Variants in ZNF487 observed in about 807,000 individuals in gnomAD.
The protein encoded by ZNF487 is KRAB domain only 1.
ZNF487 carries 4 observed loss-of-function variants against 3.0 expected under a neutral mutation model. That is an observed-to-expected ratio of 1.35 (90% CI 0.66 to 3.08). ZNF487 has a LOEUF of 3.08. ZNF487 is among the 30% of genes most tolerant of loss of function. The pLI, the probability that ZNF487 is intolerant of heterozygous loss-of-function variation, is 0.01. For missense variants in ZNF487, 146 were observed against 98.7 expected, an observed-to-expected ratio of 1.48 and a Z score of -2.03; for synonymous variants, 55 against 34.6, an observed-to-expected ratio of 1.59 and a Z score of -2.06.
At chr10:43,447,798 C>T (rs1327929805) in intron 1 of ZNF487, among the ~76,000 whole-genome samples, 2 of 152,064 alleles carry the variant, frequency 1.3e-5, no homozygotes, top group African/African-American at 4.8e-5. Context: ...CTGTGTCTCC[C>T]CAGACTATCA....
In ZNF487 at chr10:43,481,877, A is replaced by G. The variant is rs1333472336; in HGVS notation, c.579A>G (p.Ala193=). The G allele has an allele frequency of 2.9e-6, 2 of 701,076 alleles. No individual in the cohort carries two copies. Among genetic ancestry groups the G allele is most frequent in the Non-Finnish European group, 5.2e-6 (2 of 384,404 alleles). 43.4% of individuals were successfully genotyped at this position (701,076 alleles called of 1,614,324 possible). A position where few individuals can be genotyped will look rare whatever the true frequency, so the allele number is the denominator to read the frequency against. The change falls in exon 4 of 4, where the codon GCA becomes GCG. Residue 193 remains alanine, a synonymous_variant. Coordinates refer to ENST00000437590, the MANE Select transcript of ZNF487 (RefSeq NM_001355444.3). ...NQCGKAFHEE[A]ACSTHKRVCS... ...GTGGGAAGGCTTTTCATGAAGAGGC[A>G]GCCTGCAGTACCCATAAGAGAGTGT...
At chr10:43,514,832 G>A in the ZNF487 span, among the ~76,000 whole-genome samples, 2 of 152,148 alleles carry the variant, frequency 1.3e-5, no homozygotes, top group Non-Finnish European at 2.9e-5. Context: ...GTTTCACAAG[G>A]CATTGGTCAA....
At chr10:43,472,413 T>C (rs1295122225) in intron 1 of ZNF487, among the ~76,000 whole-genome samples, 3 of 152,140 alleles carry the variant, frequency 2.0e-5, no homozygotes, top group Non-Finnish European at 2.9e-5. Flanking sequence ...CAGAAAAACC[T>C]CTGGGGCATA....
intron 1 of ZNF487, among the ~76,000 whole-genome samples, chr10:43,450,204 C>T (rs547789904): frequency 7.9e-5 from 12 of 152,220 alleles, no homozygotes; most frequent in Admixed American, 3.3e-4. Flanking sequence ...CCACCACACC[C>T]GGCTAGGCTA....
chr10:43,503,682 T>A, the ZNF487 span, among the ~76,000 whole-genome samples: 1 of 152,182 alleles, frequency 6.6e-6, no homozygotes, highest in African/African-American at 2.4e-5. Flanking sequence ...CCTGGCTCAC[T>A]GTAGCCTCAA....
chr10:43,477,247 A>G (rs1308968664), intron 3 of ZNF487, among the ~76,000 whole-genome samples: 31 of 149,632 alleles, frequency 2.1e-4, no homozygotes, highest in Admixed American at 1.9e-3. Flanking sequence ...CACAGGCTAG[A>G]GTGCAGTGGT....
At chr10:43,476,244 A>T in intron 3 of ZNF487, 42 bp downstream of exon 3, 1 of 702,850 alleles carries the variant, frequency 1.4e-6, no homozygotes, top group Non-Finnish European at 2.6e-6. Context: ...CCCAGGGAGA[A>T]ATTTGATCCT....
In ZNF487 at chr10:43,462,906, ACCACAG is replaced by A. The variant is rs557167065; in HGVS notation, c.-93-12811_-93-12806del. On this transcript the variant is annotated intron_variant, in intron 1 of 3. Transcript: ENST00000437590. ...TGCCTCAGCCCCCTGAGTAGCTGGG[ACCACAG>A]CCATGCCTGGCTATGCCTGGCTAAT... Among the ~76,000 whole-genome samples the A allele has an allele frequency of 6.1e-3, 923 of 151,968 alleles. 7 individuals carry two copies. The highest frequency in any genetic ancestry group is 0.018 in the African/African-American group (730 of 41,472).
intron 1 of ZNF487, among the ~76,000 whole-genome samples, chr10:43,468,629 C>T (rs1256700026): frequency 1.5e-5 from 2 of 134,612 alleles, no homozygotes; most frequent in Admixed American, 8.9e-5. Flanking sequence ...TGGCGAGCTG[C>T]GATCGCGCCA....
At chr10:43,517,967 C>A in the ZNF487 span, among the ~76,000 whole-genome samples, 1 of 152,160 alleles carries the variant, frequency 6.6e-6, no homozygotes, top group Non-Finnish European at 1.5e-5. Flanking sequence ...TGCTCCTGAC[C>A]AAGGGTCAGC....
chr10:43,442,279 CAAA>C (rs140713077), intron 1 of ZNF487, among the ~76,000 whole-genome samples: 7,213 of 150,666 alleles, frequency 0.048, 252 homozygotes, highest in South Asian at 0.12. Flanking sequence ...AAAAAAAAAA[CAAA>C]GAAAAAAACT....
At chr10:43,484,060 G>C (rs140874386), downstream of ZNF487, among the ~76,000 whole-genome samples, 28,738 of 151,046 alleles carry the variant, frequency 0.19, 2,954 homozygotes, top group African/African-American at 0.22. Context: ...GTAGAGACAG[G>C]GTTTCGCCAT....
rs780392719 is a variant in ZNF487, at chr10:43,482,836, G to A, written c.*914G>A. ...CACACAGGGGAGAAACCCTATGAAT[G>A]TAATGAATGTGAGAAAATGTTCTAC... On this transcript the variant is annotated 3_prime_UTR_variant, in exon 4 of 4. Transcript: ENST00000437590. 2 of 525,800 alleles carry A rather than the reference G, an allele frequency of 3.8e-6. No homozygotes were observed. The highest frequency in any genetic ancestry group is 7.8e-6 in the Non-Finnish European group (2 of 255,898). 32.6% of individuals were successfully genotyped at this position (525,800 alleles called of 1,614,324 possible). A position where few individuals can be genotyped will look rare whatever the true frequency, so the allele number is the denominator to read the frequency against.
At chr10:43,439,616 A>T (rs1227807216) in intron 1 of ZNF487, among the ~76,000 whole-genome samples, 5 of 152,084 alleles carry the variant, frequency 3.3e-5, no homozygotes, top group Non-Finnish European at 7.3e-5. Context: ...GGCAGGGAGA[A>T]TTGCTTGAAC....
intron 1 of ZNF487, among the ~76,000 whole-genome samples, chr10:43,439,773 T>A (rs1281562688): frequency 1.3e-5 from 2 of 152,186 alleles, no homozygotes; most frequent in African/African-American, 4.8e-5. Flanking sequence ...ATGTTGACGA[T>A]ATTATGTTAA....
chr10:43,506,344 T>A, the ZNF487 span, among the ~76,000 whole-genome samples: 2 of 151,772 alleles, frequency 1.3e-5, no homozygotes, highest in Non-Finnish European at 2.9e-5. Flanking sequence ...TGAGACTTTG[T>A]ACAAAAAATT....
At chr10:43,499,367 C>T in the ZNF487 span, among the ~76,000 whole-genome samples, 1 of 152,118 alleles carries the variant, frequency 6.6e-6, no homozygotes, top group African/African-American at 2.4e-5. Context: ...TGACTAAATT[C>T]TCCTGATAAA....
chr10:43,509,658 A>G, the ZNF487 span, among the ~76,000 whole-genome samples: 2 of 151,882 alleles, frequency 1.3e-5, no homozygotes, highest in African/African-American at 4.8e-5. Context: ...GTAGGCGGGG[A>G]GGCTAGGCCA....
chr10:43,507,714 A>C, the ZNF487 span, among the ~76,000 whole-genome samples: 1 of 152,150 alleles, frequency 6.6e-6, no homozygotes, highest in South Asian at 2.1e-4. Flanking sequence ...CCTGGGCCAT[A>C]AACAAAATGA....
Sources: gnomAD v4.1 joint callset for allele counts (sites outside exome capture counted in the v4.1 genomes callset) on GRCh38, gnomAD v4.1.1 for gene constraint, MANE v1.5 for transcripts, NCBI Gene and HGNC (gene_info 2026-07-23, HGNC 2026-07-21) for gene names.